The following SCIN variants were observed in gnomAD, a reference collection of about 807,000 sequenced individuals.
SCIN encodes adseverin.
In SCIN, 91 loss-of-function variants were observed where a neutral mutation model predicts 91.8. That is an observed-to-expected ratio of 0.99 (90% CI 0.84 to 1.18). The LOEUF (loss-of-function observed/expected upper bound fraction) is 1.18. Ranked by LOEUF, SCIN falls within the 50% of genes most tolerant of loss-of-function variation. The pLI, the probability that SCIN is intolerant of heterozygous loss-of-function variation, is 0.00. For missense variants in SCIN, 1,087 were observed against 863.9 expected, an observed-to-expected ratio of 1.26 and a Z score of -3.24; for synonymous variants, 367 against 312.6, an observed-to-expected ratio of 1.17 and a Z score of -1.84.
intron 13 of SCIN, among the ~76,000 whole-genome samples, chr7:12,646,332 C>A (rs909429595): frequency 6.6e-6 from 1 of 152,224 alleles, no homozygotes; most frequent in Non-Finnish European, 1.5e-5. Context: ...TGAGGGACCA[C>A]TGTCTAGCCT....
At chr7:12,577,399 G>T in intron 1 of SCIN, 1 of 368,574 alleles carries the variant, frequency 2.7e-6, no homozygotes, top group South Asian at 2.1e-5. Flanking sequence ...TCCTAATAAA[G>T]GCTAAACCAC....
intron 3 of SCIN, among the ~76,000 whole-genome samples, chr7:12,601,287 T>C (rs1782953015): frequency 6.6e-6 from 1 of 152,214 alleles, no homozygotes; most frequent in East Asian, 1.9e-4. Context: ...TGCCCCATTT[T>C]AGTCACTCAG....
chr7:12,582,895 C>T (rs1473715109), intron 3 of SCIN, among the ~76,000 whole-genome samples: 1 of 152,150 alleles, frequency 6.6e-6, no homozygotes, highest in Non-Finnish European at 1.5e-5. Flanking sequence ...ATCTCCACCA[C>T]TTGTACTCTA....
intron 3 of SCIN, among the ~76,000 whole-genome samples, chr7:12,593,350 G>A (rs1782766729): frequency 6.6e-6 from 1 of 152,126 alleles, no homozygotes; most frequent in African/African-American, 2.4e-5. Flanking sequence ...GCCAGGTTAA[G>A]GAGGTCTTGT....
Position 12,651,882 on chromosome 7 carries a change from A to C in SCIN, c.2001A>C (p.Lys667Asn), listed in dbSNP as rs148187948. 2 of 1,603,824 alleles carry C rather than the reference A, an allele frequency of 1.2e-6. No individual in the cohort carries two copies. Among genetic ancestry groups the C allele is most frequent in the Non-Finnish European group, 1.7e-6 (2 of 1,173,360 alleles). The stretch of plus-strand genomic sequence containing the variant: ...GCAAAGATGCTAATGAAGTTGAGAA[A>C]AAAGAATCTCTGAAGTCTGGTAAGC... Reference protein sequence around the residue: ...WIGKDANEVEKKESLKSAKMY... With the variant: ...WIGKDANEVENKESLKSAKMY... The change falls in exon 15 of 16, where the codon AAA (lysine) becomes AAC (asparagine). Residue 667 changes from lysine to asparagine, a missense_variant. Coordinates refer to ENST00000297029, the MANE Select transcript of SCIN (RefSeq NM_001112706.3). The surrounding 1 kb of genome is among the most constrained non-coding windows in gnomAD (Gnocchi z 5.9).
rs1368875530 is a variant in SCIN at position 12,651,879 on chromosome 7, G to GA, written c.2004dup (p.Glu669ArgfsTer11). The GA allele has an allele frequency of 1.9e-6, 3 of 1,603,130 alleles. No individual in the cohort carries two copies. The highest frequency in any genetic ancestry group is 1.7e-5 in the Admixed American group (1 of 59,080). ...TTGGCAAAGATGCTAATGAAGTTGA[G>GA]AAAAAAGAATCTCTGAAGTCTGGTA... On this transcript the variant is annotated frameshift_variant, in exon 15 of 16. Coordinates refer to ENST00000297029, the MANE Select transcript of SCIN (RefSeq NM_001112706.3). LOFTEE classifies it high-confidence loss of function. The surrounding 1 kb of genome is among the most constrained non-coding windows in gnomAD (Gnocchi z 5.9).
At chr7:12,609,364 A>G (rs879570489) in intron 4 of SCIN, among the ~76,000 whole-genome samples, 4 of 152,196 alleles carry the variant, frequency 2.6e-5, no homozygotes, top group Non-Finnish European at 4.4e-5. Flanking sequence ...CTGCACATAA[A>G]TTATGTAAAG....
chr7:12,626,731 A>C lies in SCIN; in HGVS notation c.1129A>C (p.Lys377Gln). The change falls in exon 8 of 16, where the codon AAA becomes CAA. Residue 377 changes from lysine to glutamine, a missense_variant. Transcript: ENST00000297029. ...AAAACAAATTCCCTTTGATGCCTCA[A>C]AATTACACAGTTCTCCGCAGATGGC... ...QIKQIPFDAS[K>Q]LHSSPQMAAQ... 1.9e-6 allele frequency: 3 copies of C among 1,609,406 alleles called. No homozygotes were observed. Among genetic ancestry groups the C allele is most frequent in the Non-Finnish European group, 2.5e-6 (3 of 1,177,810 alleles).
At chr7:12,636,175 G>GTCT in intron 10 of SCIN, 40 bp downstream of exon 10, 2 of 1,497,052 alleles carry the variant, frequency 1.3e-6, no homozygotes, top group Non-Finnish European at 1.8e-6. Context: ...ACAAGTTAAA[G>GTCT]TCTTGCTAGC....
intron 3 of SCIN, among the ~76,000 whole-genome samples, chr7:12,586,751 A>G (rs1002673036): frequency 2.6e-5 from 4 of 152,328 alleles, no homozygotes; most frequent in African/African-American, 9.6e-5. Flanking sequence ...GCCATAAAAT[A>G]AAGTATGGAA....
intron 1 of SCIN, among the ~76,000 whole-genome samples, chr7:12,573,343 C>T (rs1244937941): frequency 6.6e-6 from 1 of 152,000 alleles, no homozygotes; most frequent in Non-Finnish European, 1.5e-5. Flanking sequence ...AGGTGCATAG[C>T]ATAGAAATGA....
intron 3 of SCIN, among the ~76,000 whole-genome samples, chr7:12,587,353 G>T (rs988882901): frequency 9.9e-5 from 15 of 152,208 alleles, no homozygotes; most frequent in African/African-American, 3.6e-4. Flanking sequence ...TGGGGGTGGG[G>T]AGTGAGGATG....
At chr7:12,590,742 C>T (rs115847415) in intron 3 of SCIN, among the ~76,000 whole-genome samples, 1,761 of 152,116 alleles carry the variant, frequency 0.012, 22 homozygotes, top group African/African-American at 0.03. Context: ...ATGTCCTCAA[C>T]AGTGTATAAC....
At chr7:12,635,120 A>C (rs1783721702) in intron 9 of SCIN, among the ~76,000 whole-genome samples, 1 of 151,882 alleles carries the variant, frequency 6.6e-6, no homozygotes, top group Admixed American at 6.6e-5. Flanking sequence ...CAGTGAGCCA[A>C]GTTCACGCCA....
At chr7:12,622,162 C>G (rs1456059120) in intron 4 of SCIN, among the ~76,000 whole-genome samples, 1 of 151,700 alleles carries the variant, frequency 6.6e-6, no homozygotes, top group Non-Finnish European at 1.5e-5. Context: ...GTATTTTCTA[C>G]CAAACACTTT....
chr7:12,656,587 T>G lies in SCIN; in HGVS notation c.*3872T>G, dbSNP rs916624852. The G allele has an allele frequency of 6.6e-6, 1 of 152,140 alleles. No homozygotes were observed. The highest frequency in any genetic ancestry group is 1.5e-5 in the Non-Finnish European group (1 of 68,034). The allele number at this position is 152,140 out of a possible 1,614,324, so 9.4% of individuals were successfully genotyped here. ...CGGACAACTCAGAGAAAAAACTGGC[T>G]TATAAATGCACTTCACAAAAACTGT... is the stretch of plus-strand genomic sequence containing the variant. On this transcript the variant is annotated 3_prime_UTR_variant, in exon 16 of 16. Coordinates refer to ENST00000297029, the MANE Select transcript of SCIN (RefSeq NM_001112706.3).
At chr7:12,585,823 G>C (rs1782575763) in intron 3 of SCIN, among the ~76,000 whole-genome samples, 1 of 152,150 alleles carries the variant, frequency 6.6e-6, no homozygotes, top group South Asian at 2.1e-4. Context: ...CCAGACTTTT[G>C]CTGTTGCAGA....
chr7:12,644,393 G>T, intron 12 of SCIN, 78 bp downstream of exon 12: 1 of 1,494,126 alleles, frequency 6.7e-7, no homozygotes, highest in Non-Finnish European at 9.0e-7. Flanking sequence ...TCACCAAAAA[G>T]TCACTTTCTA....
At chr7:12,617,682 G>A (rs1243126766) in intron 4 of SCIN, among the ~76,000 whole-genome samples, 4 of 152,078 alleles carry the variant, frequency 2.6e-5, no homozygotes, top group Admixed American at 1.3e-4. Context: ...AATGGTTGAG[G>A]TAGATAAACC....
Sources: gnomAD v4.1 joint callset for allele counts (sites outside exome capture counted in the v4.1 genomes callset) on GRCh38, gnomAD v4.1.1 for gene constraint, Gnocchi (gnomAD v3.1) non-coding constraint, MANE v1.5 for transcripts, NCBI Gene and HGNC (gene_info 2026-07-23, HGNC 2026-07-21) for gene names.